The following COQ8A variants were observed in gnomAD, a reference collection of about 807,000 sequenced individuals.
COQ8A encodes the protein coenzyme Q8A, also known as atypical kinase COQ8A, mitochondrial.
In COQ8A, 51 loss-of-function variants were observed where a neutral mutation model predicts 65.0. The ratio of observed to expected loss-of-function variants is 0.78; its 90% CI spans 0.63 to 0.99. The LOEUF is 0.99. Among genes scored for constraint, COQ8A ranks in the 50% least tolerant of loss-of-function variants. The probability of loss-of-function intolerance (pLI) is 0.00; values close to 1 mark genes in which losing one functional copy is unlikely to be tolerated. For missense variants in COQ8A, 940 were observed against 875.0 expected, an observed-to-expected ratio of 1.07 and a Z score of -0.94; for synonymous variants, 371 against 353.2, an observed-to-expected ratio of 1.05 and a Z score of -0.57.
Position 226,961,572 on chromosome 1 carries a change from C to A in COQ8A, c.177+10C>A. 1 of 1,603,734 alleles carries A rather than the reference C, an allele frequency of 6.2e-7. No homozygotes were observed. The highest frequency in any genetic ancestry group is 8.5e-7 in the Non-Finnish European group (1 of 1,172,608). On this transcript the variant is annotated intron_variant, in intron 2 of 14. Coordinates refer to ENST00000366777, the MANE Select transcript of COQ8A (RefSeq NM_020247.5). The stretch of plus-strand genomic sequence containing the variant: ...CTTGGGGAAGGTGCAGGTAAGGGGG[C>A]CTGGCAGTGGGAGGGGTGCTGGCAG...
At chr1:226,971,721 A>G (rs1256056631) in intron 4 of COQ8A, among the ~76,000 whole-genome samples, 5 of 152,086 alleles carry the variant, frequency 3.3e-5, no homozygotes, top group Non-Finnish European at 5.9e-5. Context: ...GCTATCAGTT[A>G]TATTGCTGCT....
intron 1 of COQ8A, among the ~76,000 whole-genome samples, chr1:226,948,656 G>A (rs1045891516): frequency 3.9e-5 from 6 of 152,172 alleles, no homozygotes; most frequent in South Asian, 2.1e-4. Flanking sequence ...CAACGCTTGC[G>A]CTTGTAATTT....
chr1:226,955,761 G>A (rs1657683914), intron 1 of COQ8A, among the ~76,000 whole-genome samples: 1 of 125,984 alleles, frequency 7.9e-6, no homozygotes, highest in Non-Finnish European at 1.6e-5. Context: ...CACTCTCCCT[G>A]GCTCCCACTC....
At chr1:226,980,708 C>T (rs940508454) in intron 5 of COQ8A, among the ~76,000 whole-genome samples, 1 of 152,366 alleles carries the variant, frequency 6.6e-6, no homozygotes, top group Non-Finnish European at 1.5e-5. Context: ...TAACATCTCC[C>T]ACCTTCACAG....
chr1:226,985,291 T>C lies in COQ8A; in HGVS notation c.1610T>C (p.Val537Ala), dbSNP rs199724504. 18 of 1,613,614 alleles carry C rather than the reference T, an allele frequency of 1.1e-5. No individual in the cohort carries two copies. Among genetic ancestry groups the C allele is most frequent in the Middle Eastern group, 1.6e-4 (1 of 6,080 alleles). Reference protein sequence around the residue: ...RAAADRDRETVRAKSIEMKFL... With the variant: ...RAAADRDRETARAKSIEMKFL... ...GCTGCCGACAGGGACAGGGAGACTGTGCGGGCGAAATCCATAGAGATGAAG... is the reference window on the plus strand; with the variant it reads ...GCTGCCGACAGGGACAGGGAGACTGCGCGGGCGAAATCCATAGAGATGAAG... The change falls in exon 14 of 15, where the codon GTG (valine) becomes GCG (alanine). Residue 537 changes from valine (V) to alanine (A), a missense_variant. Physicochemically the swap from Val to Ala is moderately conservative, Grantham distance 64. Coordinates refer to ENST00000366777, the MANE Select transcript of COQ8A (RefSeq NM_020247.5).
At chr1:226,960,600 G>A (rs1175824533) in intron 1 of COQ8A, among the ~76,000 whole-genome samples, 2 of 93,956 alleles carry the variant, frequency 2.1e-5, no homozygotes, top group African/African-American at 4.2e-5. Flanking sequence ...TGGTGGTGGC[G>A]GCAGTGGCGG....
chr1:226,986,420 TC>T (rs769946707), intron 14 of COQ8A, 32 bp from the exon 15 acceptor site: 1 of 1,607,758 alleles, frequency 6.2e-7, no homozygotes, highest in Admixed American at 1.7e-5. Flanking sequence ...CTCTGGTGTC[TC>T]GCCGCCATTT....
chr1:226,986,593 C>A lies in COQ8A; in HGVS notation c.1800C>A (p.Val600=). ...LIPVMLRHRL[V]PPPEETYSLH... ...CCGTCATGCTGAGGCACCGTCTCGTCCCCCCACCCGAGGAAACCTACTCCC... is the reference window on the plus strand; with the variant it reads ...CCGTCATGCTGAGGCACCGTCTCGTACCCCCACCCGAGGAAACCTACTCCC... The change falls in exon 15 of 15, where the codon GTC becomes GTA. Residue 600 remains valine (V), a synonymous_variant. Transcript: ENST00000366777. 6.2e-7 allele frequency: 1 copy of A among 1,613,838 alleles called. No individual in the cohort carries two copies. The highest frequency in any genetic ancestry group is 8.5e-7 in the Non-Finnish European group (1 of 1,179,966).
chr1:226,978,882 A>C (rs1382579697), intron 5 of COQ8A, among the ~76,000 whole-genome samples: 2 of 109,076 alleles, frequency 1.8e-5, no homozygotes, highest in African/African-American at 6.1e-5. Context: ...CCCTCCACAC[A>C]CCCACCAATC....
chr1:226,983,723 A>G, intron 9 of COQ8A, 38 bp from the exon 10 acceptor site: 1 of 1,612,468 alleles, frequency 6.2e-7, no homozygotes, highest in Non-Finnish European at 8.5e-7. Flanking sequence ...CTCCCTGCAG[A>G]GCCCCCTTCC....
chr1:226,982,263 C>T, intron 6 of COQ8A, 114 bp downstream of exon 6: 9 of 1,435,210 alleles, frequency 6.3e-6, no homozygotes, highest in South Asian at 1.3e-5. Context: ...TGTGAGCAGG[C>T]TGGGGAGAGA....
intron 2 of COQ8A, among the ~76,000 whole-genome samples, chr1:226,963,930 A>C (rs1380177444): frequency 6.6e-6 from 1 of 152,174 alleles, no homozygotes; most frequent in Non-Finnish European, 1.5e-5. Flanking sequence ...CTACTCTGAG[A>C]GTAGTGCCAC....
At chr1:226,985,898 C>T (rs949721248) in intron 14 of COQ8A, among the ~76,000 whole-genome samples, 4 of 152,202 alleles carry the variant, frequency 2.6e-5, no homozygotes, top group Non-Finnish European at 5.9e-5. Context: ...GCTGTAAGCG[C>T]TCAGCGGGCA....
In COQ8A at chr1:226,985,250, C is replaced by T; in HGVS notation, c.1573-4C>T. On this transcript the variant is annotated splice_polypyrimidine_tract_variant and splice_region_variant and intron_variant, in intron 13 of 14. Coordinates refer to ENST00000366777, the MANE Select transcript of COQ8A (RefSeq NM_020247.5). ...CCACGGTCCCCTCCTGTGCCTCTCC[C>T]CAGATCATCAGGGCTGCTGCCGACA... 1 of 1,613,376 alleles carries T rather than the reference C, an allele frequency of 6.2e-7. No individual in the cohort carries two copies. The highest frequency in any genetic ancestry group is 8.5e-7 in the Non-Finnish European group (1 of 1,179,970).
chr1:226,978,257 C>A (rs1203634513), intron 5 of COQ8A, among the ~76,000 whole-genome samples: 2 of 103,772 alleles, frequency 1.9e-5, no homozygotes, highest in African/African-American at 6.0e-5. Context: ...GCTTACACAG[C>A]CTCCGCACCC....
At chr1:226,956,791 C>T (rs1466218040) in intron 1 of COQ8A, among the ~76,000 whole-genome samples, 1 of 132,242 alleles carries the variant, frequency 7.6e-6, no homozygotes, top group African/African-American at 3.1e-5. Context: ...CTCCCACTCT[C>T]CCTCGTTCAC....
At chr1:226,977,795 C>A (rs1659333371) in intron 5 of COQ8A, among the ~76,000 whole-genome samples, 1 of 151,984 alleles carries the variant, frequency 6.6e-6, no homozygotes, top group Non-Finnish European at 1.5e-5. Context: ...CACACGCCTT[C>A]TGCACACCTG....
chr1:226,961,593 G>A (rs1389978530), intron 2 of COQ8A, 31 bp downstream of exon 2: 11 of 1,590,598 alleles, frequency 6.9e-6, no homozygotes, highest in African/African-American at 1.3e-5. Flanking sequence ...GAGGGGTGCT[G>A]GCAGGAAGAG....
chr1:226,976,714 A>G (rs1659260275), intron 4 of COQ8A, among the ~76,000 whole-genome samples: 2 of 152,106 alleles, frequency 1.3e-5, no homozygotes, highest in South Asian at 4.1e-4. Context: ...GGGATCATTC[A>G]TTGACTGATT....
Sources: gnomAD v4.1 joint callset for allele counts (sites outside exome capture counted in the v4.1 genomes callset) on GRCh38, gnomAD v4.1.1 for gene constraint, MANE v1.5 for transcripts, NCBI Gene and HGNC (gene_info 2026-07-23, HGNC 2026-07-21) for gene names.